Variants in OR6C74 observed in about 807,000 individuals in gnomAD.
The protein encoded by OR6C74 is olfactory receptor family 6 subfamily C member 74.
For missense variants in OR6C74, 361 were observed against 362.9 expected, an observed-to-expected ratio of 0.99 and a Z score of 0.04; for synonymous variants, 142 against 134.2, an observed-to-expected ratio of 1.06 and a Z score of -0.40.
intron 1 of OR6C74, among the ~76,000 whole-genome samples, chr12:55,245,191 A>G (rs1249537054): frequency 1.3e-5 from 2 of 152,228 alleles, no homozygotes; most frequent in East Asian, 3.9e-4. Context: ...GAGAAGTTGT[A>G]CTGAAAAAAT....
Position 55,252,926 on chromosome 12 carries a change from C to T in OR6C74, c.*4700C>T, listed in dbSNP as rs142364959. Among the ~76,000 whole-genome samples, 1,022 of 152,084 alleles carry T rather than the reference C, an allele frequency of 6.7e-3. 8 individuals carry two copies. The highest frequency in any genetic ancestry group is 0.011 in the Non-Finnish European group (763 of 67,910). ...CATACATTTCTGATTTGCTTCTCTT[C>T]CTTTTTTTTCTTCTCCACCTCCCCT... On this transcript the variant is annotated 3_prime_UTR_variant, in exon 2 of 2. Coordinates refer to ENST00000343399, the MANE Select transcript of OR6C74 (RefSeq NM_001005490.2).
chr12:55,255,110 A>C lies in OR6C74; in HGVS notation c.*6884A>C, dbSNP rs545556725. 6.6e-6 allele frequency among the ~76,000 whole-genome samples: 1 copy of C among 152,046 alleles called. No individual in the cohort carries two copies. The highest frequency in any genetic ancestry group is 2.4e-5 in the African/African-American group (1 of 41,428). On this transcript the variant is annotated 3_prime_UTR_variant, in exon 2 of 2. Coordinates refer to ENST00000343399, the MANE Select transcript of OR6C74 (RefSeq NM_001005490.2). ...ATTTGCTTCCTGACTAGGATTATAA[A>C]ATAGATGTCTCCCAGGGTGGCCAGG...
chr12:55,248,938 T>G lies in OR6C74; in HGVS notation c.*712T>G, dbSNP rs1954294508. Among the ~76,000 whole-genome samples the G allele has an allele frequency of 6.6e-6, 1 of 152,180 alleles. No homozygotes were observed. The highest frequency in any genetic ancestry group is 1.5e-5 in the Non-Finnish European group (1 of 68,012). ...TAAGACAGGTATTTATATGCTCCATTTATGGATTAAAAATATAAGTCATAA... is the reference window on the plus strand; with the variant it reads ...TAAGACAGGTATTTATATGCTCCATGTATGGATTAAAAATATAAGTCATAA... On this transcript the variant is annotated 3_prime_UTR_variant, in exon 2 of 2. Coordinates refer to ENST00000343399, the MANE Select transcript of OR6C74 (RefSeq NM_001005490.2).
In OR6C74 at chr12:55,256,213, A is replaced by G. The variant is rs945934762; in HGVS notation, c.*7987A>G. On this transcript the variant is annotated 3_prime_UTR_variant, in exon 2 of 2. Coordinates refer to ENST00000343399, the MANE Select transcript of OR6C74 (RefSeq NM_001005490.2). The stretch of plus-strand genomic sequence containing the variant: ...TCCTGTCCCAGAAAAGCAGATGTTC[A>G]TAGCTCTGGGAATGGAATGGGACCC... Among the ~76,000 whole-genome samples, 9 of 152,208 alleles carry G rather than the reference A, an allele frequency of 5.9e-5. No homozygotes were observed. Among genetic ancestry groups the G allele is most frequent in the East Asian group, 1.9e-4 (1 of 5,170 alleles).
Position 55,244,689 on chromosome 12 carries a change from T to C in OR6C74, c.-138T>C, listed in dbSNP as rs1283550550. On this transcript the variant is annotated 5_prime_UTR_variant, in exon 1 of 2. Coordinates refer to ENST00000343399, the MANE Select transcript of OR6C74 (RefSeq NM_001005490.2). ...GTTCTTCTTCTCTCTAGATTATATATACACATATATGTATATATAGAAGAG... is the reference window on the plus strand; with the variant it reads ...GTTCTTCTTCTCTCTAGATTATATACACACATATATGTATATATAGAAGAG... 1.3e-5 allele frequency among the ~76,000 whole-genome samples: 2 copies of C among 151,266 alleles called. No homozygotes were observed. The highest frequency in any genetic ancestry group is 1.3e-4 in the Admixed American group (2 of 15,146).
chr12:55,249,394 T>A lies in OR6C74; in HGVS notation c.*1168T>A, dbSNP rs1210835165. On this transcript the variant is annotated 3_prime_UTR_variant, in exon 2 of 2. Coordinates refer to ENST00000343399, the MANE Select transcript of OR6C74 (RefSeq NM_001005490.2). ...CCACATAAGGTAACTGATAACCTTA[T>A]GAATAATTCTGACTGGAAGGATTTA... 1.3e-5 allele frequency among the ~76,000 whole-genome samples: 2 copies of A among 152,146 alleles called. No homozygotes were observed. Among genetic ancestry groups the A allele is most frequent in the Admixed American group, 6.6e-5 (1 of 15,266 alleles).
At position 55,254,236 on chromosome 12, in the gene OR6C74, T is replaced by C. The variant is rs1009090309; in HGVS notation, c.*6010T>C. Among the ~76,000 whole-genome samples the C allele has an allele frequency of 6.6e-6, 1 of 152,116 alleles. No individual in the cohort carries two copies. Among genetic ancestry groups the C allele is most frequent in the Non-Finnish European group, 1.5e-5 (1 of 67,988 alleles). ...AGCTGCTAGCAAATACCCTTGTGAA[T>C]ATTTTAATATCTTGCCAAAAGATTT... On this transcript the variant is annotated 3_prime_UTR_variant, in exon 2 of 2. Coordinates refer to ENST00000343399, the MANE Select transcript of OR6C74 (RefSeq NM_001005490.2).
rs991640165 is a variant in OR6C74, at chr12:55,253,171, C to G, written c.*4945C>G. Reference sequence around the variant, plus strand: ...ATCTATTAATCCATAAACATTCATTCCCAAAATCAATAACTGGATATTTAG... The same window carrying G: ...ATCTATTAATCCATAAACATTCATTGCCAAAATCAATAACTGGATATTTAG... On this transcript the variant is annotated 3_prime_UTR_variant, in exon 2 of 2. Coordinates refer to ENST00000343399, the MANE Select transcript of OR6C74 (RefSeq NM_001005490.2). 6.6e-6 allele frequency among the ~76,000 whole-genome samples: 1 copy of G among 151,994 alleles called. No individual in the cohort carries two copies. The highest frequency in any genetic ancestry group is 1.9e-4 in the East Asian group (1 of 5,174).
Position 55,247,449 on chromosome 12 carries a change from G to C in OR6C74, c.162G>C (p.Lys54Asn). 2 of 1,613,846 alleles carry C rather than the reference G, an allele frequency of 1.2e-6. No homozygotes were observed. The highest frequency in any genetic ancestry group is 1.7e-6 in the Non-Finnish European group (2 of 1,179,856). The change falls in exon 2 of 2, where the codon AAG becomes AAC. Residue 54 changes from lysine (K) to asparagine (N), a missense_variant. Physicochemically the swap from Lys to Asn is moderately conservative, Grantham distance 94. Transcript: ENST00000343399. ...ITLTLLDLHL[K>N]TPMYFFLRNF... is the part of the protein sequence containing the mutation. ...TCACCCTACTGGATTTGCATCTCAA[G>C]ACACCCATGTATTTCTTCCTCCGAA...
rs1954330473 is a variant in OR6C74 at position 55,254,466 on chromosome 12, A to T, written c.*6240A>T. Reference sequence around the variant, plus strand: ...CACAAAAGATATCTGGGAAGGATGTAAATTTAACCAATATTGCTGTATAAT... The same window carrying T: ...CACAAAAGATATCTGGGAAGGATGTTAATTTAACCAATATTGCTGTATAAT... On this transcript the variant is annotated 3_prime_UTR_variant, in exon 2 of 2. Coordinates refer to ENST00000343399, the MANE Select transcript of OR6C74 (RefSeq NM_001005490.2). Among the ~76,000 whole-genome samples the T allele has an allele frequency of 6.6e-6, 1 of 152,134 alleles. No homozygotes were observed.
Position 55,247,386 on chromosome 12 carries a change from C to A in OR6C74, c.99C>A (p.Tyr33Ter). 6.2e-7 allele frequency: 1 copy of A among 1,610,676 alleles called. No individual in the cohort carries two copies. Among genetic ancestry groups the A allele is most frequent in the Non-Finnish European group, 8.5e-7 (1 of 1,176,932 alleles). ...VIIFLLLFFT[Y>*]MLSITGNLTI... The stretch of plus-strand genomic sequence containing the variant: ...TTTTTCTTCTCCTTTTTTTCACCTA[C>A]ATGTTGAGCATCACTGGGAATCTAA... Residue 33 changes from tyrosine (Y) to a stop codon, truncating the protein, a stop_gained, in exon 2 of 2, where the codon TAC becomes TAA. Transcript: ENST00000343399. LOFTEE classifies it low-confidence loss of function (END_TRUNC).
In OR6C74 at chr12:55,254,167, A is replaced by G. The variant is rs1954327979; in HGVS notation, c.*5941A>G. Among the ~76,000 whole-genome samples the G allele has an allele frequency of 6.6e-6, 1 of 152,098 alleles. No individual in the cohort carries two copies. The highest frequency in any genetic ancestry group is 1.5e-5 in the Non-Finnish European group (1 of 67,996). On this transcript the variant is annotated 3_prime_UTR_variant, in exon 2 of 2. Coordinates refer to ENST00000343399, the MANE Select transcript of OR6C74 (RefSeq NM_001005490.2). Reference sequence around the variant, plus strand: ...TCAGGGAGTTCATTTTAACAAAAGCATCTTCCATCTTCATTTCAAACCAGT... The same window carrying G: ...TCAGGGAGTTCATTTTAACAAAAGCGTCTTCCATCTTCATTTCAAACCAGT...
In OR6C74 at chr12:55,252,608, C is replaced by T. The variant is rs1372360002; in HGVS notation, c.*4382C>T. ...GTAACAAAAATCGTGGAAAGAATTT[C>T]AAACAGTCAATTTCCAAATTTCTCT... is the stretch of plus-strand genomic sequence containing the variant. On this transcript the variant is annotated 3_prime_UTR_variant, in exon 2 of 2. Transcript: ENST00000343399. Among the ~76,000 whole-genome samples the T allele has an allele frequency of 7.2e-5, 11 of 151,930 alleles. No homozygotes were observed. The highest frequency in any genetic ancestry group is 1.0e-4 in the Non-Finnish European group (7 of 67,826).
chr12:55,249,766 T>C lies in OR6C74; in HGVS notation c.*1540T>C, dbSNP rs1039618740. 6.6e-6 allele frequency among the ~76,000 whole-genome samples: 1 copy of C among 152,082 alleles called. No individual in the cohort carries two copies. Among genetic ancestry groups the C allele is most frequent in the Non-Finnish European group, 1.5e-5 (1 of 68,006 alleles). On this transcript the variant is annotated 3_prime_UTR_variant, in exon 2 of 2. Transcript: ENST00000343399. ...CATCAGGAATTTAAGTTTTTTTTTA[T>C]TATTATACTTTAAGTTCTAGGGTAC...
At position 55,253,232 on chromosome 12, in the gene OR6C74, G is replaced by A. The variant is rs577226805; in HGVS notation, c.*5006G>A. 1.6e-4 allele frequency among the ~76,000 whole-genome samples: 25 copies of A among 152,110 alleles called. No homozygotes were observed. The highest frequency in any genetic ancestry group is 1.4e-3 in the South Asian group (7 of 4,832). On this transcript the variant is annotated 3_prime_UTR_variant, in exon 2 of 2. Transcript: ENST00000343399. ...ATTTTTGATTTATTCTAGTAAATGG[G>A]CCATAACTGAAAAGACAGTTGCAAT...
At chr12:55,246,413 G>T (rs1018786873) in intron 1 of OR6C74, among the ~76,000 whole-genome samples, 1 of 152,142 alleles carries the variant, frequency 6.6e-6, no homozygotes, top group Non-Finnish European at 1.5e-5. Context: ...GAGTGCAGTG[G>T]CATGATCATA....
rs1411764668 is a variant in OR6C74 at position 55,251,816 on chromosome 12, A to G, written c.*3590A>G. The stretch of plus-strand genomic sequence containing the variant: ...AAAAGAATAGTCAATATTATCATAA[A>G]TTTAGAAATTATGTCATATGAGAAA... On this transcript the variant is annotated 3_prime_UTR_variant, in exon 2 of 2. Coordinates refer to ENST00000343399, the MANE Select transcript of OR6C74 (RefSeq NM_001005490.2). Among the ~76,000 whole-genome samples the G allele has an allele frequency of 6.6e-6, 1 of 151,854 alleles. No individual in the cohort carries two copies. The highest frequency in any genetic ancestry group is 1.5e-5 in the Non-Finnish European group (1 of 67,832).
Position 55,247,584 on chromosome 12 carries a change from G to C in OR6C74, c.297G>C (p.Leu99=), listed in dbSNP as rs1323175127. The change falls in exon 2 of 2, where the codon CTG becomes CTC. Residue 99 remains leucine, a synonymous_variant. Transcript: ENST00000343399. ...CTTACAACGATTGTGCAGCACAGCT[G>C]TTTTTCACTATTCTCTTGGGGGCAA... is the stretch of plus-strand genomic sequence containing the variant. ...TISYNDCAAQ[L]FFTILLGATE... is the part of the protein sequence containing the mutation. The C allele has an allele frequency of 6.8e-6, 11 of 1,613,716 alleles. No individual in the cohort carries two copies. Among genetic ancestry groups the C allele is most frequent in the Non-Finnish European group, 9.3e-6 (11 of 1,179,932 alleles).
Position 55,254,317 on chromosome 12 carries a change from A to T in OR6C74, c.*6091A>T, listed in dbSNP as rs948691977. Among the ~76,000 whole-genome samples, 3 of 152,098 alleles carry T rather than the reference A, an allele frequency of 2.0e-5. No individual in the cohort carries two copies. Among genetic ancestry groups the T allele is most frequent in the African/African-American group, 7.2e-5 (3 of 41,428 alleles). The stretch of plus-strand genomic sequence containing the variant: ...AGGGGTATGTAAGTAAATTGCATAC[A>T]ATAAAGCTGTTCCATATTGCAATTC... On this transcript the variant is annotated 3_prime_UTR_variant, in exon 2 of 2. Transcript: ENST00000343399.
Sources: gnomAD v4.1 joint callset for allele counts (sites outside exome capture counted in the v4.1 genomes callset) on GRCh38, gnomAD v4.1.1 for gene constraint, MANE v1.5 for transcripts, NCBI Gene and HGNC (gene_info 2026-07-23, HGNC 2026-07-21) for gene names.